The following FRK variants were observed in gnomAD, a reference collection of about 807,000 sequenced individuals.
FRK encodes fyn related Src family tyrosine kinase, also known as tyrosine-protein kinase FRK.
FRK carries 51 observed loss-of-function variants against 56.4 expected under a neutral mutation model. The observed-to-expected ratio is 0.90, with a 90% CI of 0.72 to 1.14. FRK has a LOEUF of 1.14. Ranked by LOEUF, FRK falls within the 50% of genes most tolerant of loss-of-function variation. FRK has a pLI of 0.00. For synonymous variants in FRK, 245 were observed against 217.9 expected, an observed-to-expected ratio of 1.12 and a Z score of -1.10; for missense variants, 570 against 601.4, an observed-to-expected ratio of 0.95 and a Z score of 0.55.
intron 2 of FRK, among the ~76,000 whole-genome samples, chr6:115,976,722 A>G (rs1774005567): frequency 6.6e-6 from 1 of 152,136 alleles, no homozygotes; most frequent in African/African-American, 2.4e-5. Context: ...TTAGGCAAGG[A>G]ATTTCATTTC....
At position 116,015,801 on chromosome 6, in the gene FRK, G is replaced by A. The variant is rs116470464; in HGVS notation, c.345-11803C>T. On this transcript the variant is annotated intron_variant, in intron 1 of 7. Transcript: ENST00000606080. ...TAGTGATCTGTGGAATTGTGAACTT[G>A]ACAGAGATGATTTAGGGTATCTAGC... Among the ~76,000 whole-genome samples, 1,245 of 152,312 alleles carry A rather than the reference G, an allele frequency of 8.2e-3. 16 individuals carry two copies. The highest frequency in any genetic ancestry group is 0.028 in the African/African-American group (1,162 of 41,572).
the FRK span, among the ~76,000 whole-genome samples, chr6:116,089,776 A>C: frequency 0.019 from 2,869 of 152,314 alleles, 36 homozygotes; most frequent in Non-Finnish European, 0.028. Context: ...ATCACCAAGT[A>C]TCATCACATT....
chr6:116,073,421 C>G, the FRK span, among the ~76,000 whole-genome samples: 1 of 152,084 alleles, frequency 6.6e-6, no homozygotes, highest in Non-Finnish European at 1.5e-5. Flanking sequence ...CCCTAGTACA[C>G]CAGAAAAATT....
chr6:116,056,367 T>G (rs1777400485), intron 1 of FRK, among the ~76,000 whole-genome samples: 1 of 152,080 alleles, frequency 6.6e-6, no homozygotes, highest in Non-Finnish European at 1.5e-5. Context: ...ACTACAGGTT[T>G]GTGCCACCAT....
intron 1 of FRK, among the ~76,000 whole-genome samples, chr6:116,051,344 A>C (rs1279927782): frequency 1.3e-5 from 2 of 152,138 alleles, no homozygotes; most frequent in Non-Finnish European, 2.9e-5. Context: ...AAAATACGTT[A>C]ATAAAAACAT....
At chr6:115,942,844 C>T (rs1772244933) in intron 7 of FRK, among the ~76,000 whole-genome samples, 176 bp downstream of exon 7, 1 of 152,248 alleles carries the variant, frequency 6.6e-6, no homozygotes, top group Admixed American at 6.5e-5. Context: ...GAGAGGGAAG[C>T]AATAAACCAC....
In FRK at chr6:115,941,675, C is replaced by G. The variant is rs1199048987; in HGVS notation, c.*739G>C. 6.6e-6 allele frequency: 1 copy of G among 151,938 alleles called. No homozygotes were observed. Among genetic ancestry groups the G allele is most frequent in the East Asian group, 1.9e-4 (1 of 5,184 alleles). The allele number at this position is 151,938 out of a possible 1,614,324, so 9.4% of individuals were successfully genotyped here. Reference sequence around the variant, plus strand: ...GGCTATTAGACATTTCTCACATTTCCATAGATAATAACTCATCCGTTTTGC... The same window carrying G: ...GGCTATTAGACATTTCTCACATTTCGATAGATAATAACTCATCCGTTTTGC... On this transcript the variant is annotated 3_prime_UTR_variant, in exon 8 of 8. Coordinates refer to ENST00000606080, the MANE Select transcript of FRK (RefSeq NM_002031.3).
intron 6 of FRK, 66 bp from the exon 7 acceptor site, chr6:115,943,251 T>C: frequency 8.7e-7 from 1 of 1,150,484 alleles, no homozygotes; most frequent in Non-Finnish European, 1.2e-6. Context: ...ACCTCATTCA[T>C]CTATAATCTG....
At chr6:116,046,893 G>T (rs577926168) in intron 1 of FRK, among the ~76,000 whole-genome samples, 19 of 151,994 alleles carry the variant, frequency 1.3e-4, no homozygotes, top group Middle Eastern at 3.4e-3. Flanking sequence ...TAAAAATGTA[G>T]ATTCAAGGTT....
At chr6:115,974,063 C>T (rs1460285480) in intron 2 of FRK, among the ~76,000 whole-genome samples, 1 of 152,030 alleles carries the variant, frequency 6.6e-6, no homozygotes, top group African/African-American at 2.4e-5. Flanking sequence ...AAGAGAAGTC[C>T]ATAAATTAAA....
chr6:116,050,189 C>A (rs1777132935), intron 1 of FRK, among the ~76,000 whole-genome samples: 4 of 152,128 alleles, frequency 2.6e-5, no homozygotes, highest in Non-Finnish European at 5.9e-5. Context: ...CACAAAACAT[C>A]AACTTCAGAC....
At chr6:116,019,788 A>G (rs1316001792) in intron 1 of FRK, among the ~76,000 whole-genome samples, 1 of 152,204 alleles carries the variant, frequency 6.6e-6, no homozygotes, top group Non-Finnish European at 1.5e-5. Context: ...TCCTCAAATA[A>G]TAATACCACT....
At chr6:115,955,056 G>C (rs546336174) in intron 5 of FRK, among the ~76,000 whole-genome samples, 1 of 152,086 alleles carries the variant, frequency 6.6e-6, no homozygotes, top group Non-Finnish European at 1.5e-5. Context: ...CTCAAGTAAA[G>C]GGGGAATAAA....
rs564013131 is a variant in FRK at position 115,936,662 on chromosome 6, G to A, written c.*5752C>T. ...CTGATGGAGCTGAAAAATACAGCAT[G>A]AGAACTTCATGAAGCATACACAATT... On this transcript the variant is annotated 3_prime_UTR_variant, in exon 8 of 8. Transcript: ENST00000606080. 1 of 152,278 alleles carries A rather than the reference G, an allele frequency of 6.6e-6. No homozygotes were observed. Among genetic ancestry groups the A allele is most frequent in the African/African-American group, 2.4e-5 (1 of 41,566 alleles). 9.4% of individuals were successfully genotyped at this position (152,278 alleles called of 1,614,324 possible). A position where few individuals can be genotyped will look rare whatever the true frequency, so the allele number is the denominator to read the frequency against.
At chr6:116,054,463 A>AAT (rs1477300977) in intron 1 of FRK, among the ~76,000 whole-genome samples, 1 of 144,318 alleles carries the variant, frequency 6.9e-6, no homozygotes, top group Non-Finnish European at 1.5e-5. Flanking sequence ...TATTATATAT[A>AAT]ATATAATATA....
chr6:116,041,350 G>A lies in FRK; in HGVS notation c.344+18618C>T, dbSNP rs533478806. ...CACTGTATACCAGAAAAGAAAACCAGGGCTTCTTAATTCATTCCCTATCTG... is the reference window on the plus strand; with the variant it reads ...CACTGTATACCAGAAAAGAAAACCAAGGCTTCTTAATTCATTCCCTATCTG... On this transcript the variant is annotated intron_variant, in intron 1 of 7. Transcript: ENST00000606080. 2.6e-5 allele frequency among the ~76,000 whole-genome samples: 4 copies of A among 152,308 alleles called. No individual in the cohort carries two copies. The South Asian group carries it at 8.3e-4, about 32-fold the overall frequency.
intron 1 of FRK, among the ~76,000 whole-genome samples, chr6:116,051,942 A>G (rs752982456): frequency 1.3e-5 from 2 of 152,202 alleles, no homozygotes; most frequent in Non-Finnish European, 2.9e-5. Context: ...ATGTATATTG[A>G]GCATAAAAAC....
intron 1 of FRK, among the ~76,000 whole-genome samples, chr6:116,017,149 GAAGA>G (rs142022834): frequency 0.024 from 3,631 of 152,230 alleles, 60 homozygotes; most frequent in Non-Finnish European, 0.036. Flanking sequence ...CAGACTGAGA[GAAGA>G]AAGAGCCCCC....
intron 1 of FRK, among the ~76,000 whole-genome samples, chr6:116,026,530 G>C (rs1174798405): frequency 2.3e-5 from 3 of 131,006 alleles, no homozygotes; most frequent in Non-Finnish European, 5.0e-5. Context: ...GAGGGAGGGG[G>C]GAAGGGAGGA....
Sources: allele counts gnomAD v4.1 joint callset (sites outside exome capture counted in the v4.1 genomes callset), GRCh38; gene constraint gnomAD v4.1.1; transcripts MANE v1.5; gene names NCBI Gene and HGNC (gene_info 2026-07-23, HGNC 2026-07-21).